GRID1: variants seen among roughly 807,000 people sequenced by gnomAD.
GRID1 encodes the protein glutamate receptor ionotropic, delta-1.
In GRID1, 28 loss-of-function variants were observed where a neutral mutation model predicts 98.0. The observed-to-expected ratio is 0.29, with a 90% CI of 0.21 to 0.39. The LOEUF (loss-of-function observed/expected upper bound fraction) is 0.39, where lower values mean the gene tolerates loss of function less well. Ranked by LOEUF, GRID1 falls within the 10% of genes least tolerant of loss-of-function variation. GRID1 has a pLI of 1.00. For missense variants in GRID1, 1,111 were observed against 1,340.5 expected, an observed-to-expected ratio of 0.83 and a Z score of 2.67; for synonymous variants, 553 against 538.5, an observed-to-expected ratio of 1.03 and a Z score of -0.37.
At chr10:86,350,217 C>T (rs1848444185) in intron 2 of GRID1, among the ~76,000 whole-genome samples, 1 of 152,294 alleles carries the variant, frequency 6.6e-6, no homozygotes, top group Admixed American at 6.5e-5. Flanking sequence ...CAGCTTTTGT[C>T]GGGGTCCTTG....
intron 3 of GRID1, among the ~76,000 whole-genome samples, chr10:86,170,380 T>C (rs145466057): frequency 2.3e-4 from 35 of 152,370 alleles, no homozygotes; most frequent in African/African-American, 8.2e-4. Flanking sequence ...CCCGGTAAAG[T>C]AGAGCTTCTC....
At chr10:86,151,665 C>T (rs890077392) in intron 3 of GRID1, among the ~76,000 whole-genome samples, 1 of 152,212 alleles carries the variant, frequency 6.6e-6, no homozygotes, top group South Asian at 2.1e-4. Context: ...GCCCATTCTA[C>T]TAGAAAGAGC....
chr10:85,613,176 A>C, intron 15 of GRID1: 1 of 580,800 alleles, frequency 1.7e-6, no homozygotes, highest in Non-Finnish European at 3.0e-6. Context: ...TTTAGTGGCT[A>C]AGGCTGGTAC....
chr10:85,666,518 A>G (rs926253801), intron 12 of GRID1, among the ~76,000 whole-genome samples: 1 of 152,158 alleles, frequency 6.6e-6, no homozygotes, highest in Non-Finnish European at 1.5e-5. Context: ...CCTTGGGTGG[A>G]GAAGTAAGAG....
At chr10:86,243,435 T>C (rs2132043508) in intron 2 of GRID1, among the ~76,000 whole-genome samples, 1 of 152,178 alleles carries the variant, frequency 6.6e-6, no homozygotes. Flanking sequence ...CCAAAGCCAC[T>C]CAGCTGTCTG....
chr10:86,109,061 G>A (rs897556217), intron 4 of GRID1, among the ~76,000 whole-genome samples: 4 of 152,050 alleles, frequency 2.6e-5, no homozygotes, highest in East Asian at 3.9e-4. Flanking sequence ...TCCCTTCATC[G>A]ACCTTTTCTT....
intron 13 of GRID1, among the ~76,000 whole-genome samples, chr10:85,628,025 G>T (rs1306791110): frequency 6.6e-6 from 1 of 152,076 alleles, no homozygotes; most frequent in African/African-American, 2.4e-5. Context: ...GCGTGTGTGT[G>T]TGTGCATGAG....
At chr10:86,067,136 G>A (rs956869490) in intron 4 of GRID1, among the ~76,000 whole-genome samples, 3 of 152,214 alleles carry the variant, frequency 2.0e-5, no homozygotes, top group Non-Finnish European at 4.4e-5. Flanking sequence ...TTCCTAGCGT[G>A]AGATAATGCC....
intron 3 of GRID1, among the ~76,000 whole-genome samples, chr10:86,158,171 C>CTTAGTCTT (rs533443773): frequency 6.6e-6 from 1 of 152,172 alleles, no homozygotes; most frequent in Non-Finnish European, 1.5e-5. Flanking sequence ...AGCACCTTGA[C>CTTAGTCTT]AGAGGGGAAG....
At chr10:86,331,400 G>A (rs1351851211) in intron 2 of GRID1, among the ~76,000 whole-genome samples, 2 of 152,148 alleles carry the variant, frequency 1.3e-5, no homozygotes, top group African/African-American at 2.4e-5. Context: ...CTGAGCCTGA[G>A]CAGCTCCGTG....
chr10:85,634,156 G>A (rs1364744902), intron 13 of GRID1, among the ~76,000 whole-genome samples: 10 of 150,074 alleles, frequency 6.7e-5, no homozygotes, highest in African/African-American at 2.2e-4. Flanking sequence ...GGCAACAAGA[G>A]CGAAACTCCA....
At chr10:85,838,116 T>A (rs1316527683) in intron 8 of GRID1, among the ~76,000 whole-genome samples, 1 of 151,260 alleles carries the variant, frequency 6.6e-6, no homozygotes. Flanking sequence ...CAGAGAAAAA[T>A]GAATAAAAAG....
At chr10:86,257,241 A>AT (rs750173428) in intron 2 of GRID1, among the ~76,000 whole-genome samples, 33 of 152,246 alleles carry the variant, frequency 2.2e-4, no homozygotes, top group Non-Finnish European at 4.6e-4. Flanking sequence ...GCATTCAGAG[A>AT]TAACAACTGG....
chr10:85,755,017 C>T (rs1184772695), intron 8 of GRID1, among the ~76,000 whole-genome samples: 1 of 151,970 alleles, frequency 6.6e-6, no homozygotes, highest in Non-Finnish European at 1.5e-5. Flanking sequence ...ACAGGATGGC[C>T]CTCTTGGAAT....
At chr10:85,934,381 T>C (rs2131834474) in intron 4 of GRID1, among the ~76,000 whole-genome samples, 1 of 150,732 alleles carries the variant, frequency 6.6e-6, no homozygotes, top group South Asian at 2.1e-4. Flanking sequence ...CCCCAAAATA[T>C]GGAATGGAAG....
intron 13 of GRID1, among the ~76,000 whole-genome samples, chr10:85,645,244 G>T (rs55890440): frequency 6.6e-6 from 1 of 151,974 alleles, no homozygotes; most frequent in South Asian, 2.1e-4. Context: ...CTCTCTCTGA[G>T]AGTCAAAGAA....
chr10:85,890,033 T>G (rs550014703), intron 5 of GRID1, among the ~76,000 whole-genome samples: 49 of 152,146 alleles, frequency 3.2e-4, no homozygotes, highest in Non-Finnish European at 6.2e-4. Flanking sequence ...ATCATTTATT[T>G]GTCTTGGGAA....
intron 12 of GRID1, among the ~76,000 whole-genome samples, chr10:85,677,170 T>C (rs1289760008): frequency 6.6e-6 from 1 of 152,228 alleles, no homozygotes; most frequent in Non-Finnish European, 1.5e-5. Context: ...GGAATCTATT[T>C]CTAAAACAAA....
intron 12 of GRID1, among the ~76,000 whole-genome samples, chr10:85,719,070 G>A (rs1166302578): frequency 1.3e-5 from 2 of 152,138 alleles, no homozygotes; most frequent in Non-Finnish European, 2.9e-5. Context: ...AATCTCTAGG[G>A]CAGGGGCGAA....
Sources: gnomAD v4.1 joint callset for allele counts (sites outside exome capture counted in the v4.1 genomes callset) on GRCh38, gnomAD v4.1.1 for gene constraint, MANE v1.5 for transcripts, NCBI Gene and HGNC (gene_info 2026-07-23, HGNC 2026-07-21) for gene names.